Variants in DNAH1 observed in about 807,000 individuals in gnomAD.
DNAH1 encodes dynein axonemal heavy chain 1.
DNAH1 carries 327 observed loss-of-function variants against 484.3 expected under a neutral mutation model. That is an observed-to-expected ratio of 0.68 (90% CI 0.62 to 0.74). The LOEUF (loss-of-function observed/expected upper bound fraction) is 0.74. DNAH1 is among the 30% of genes least tolerant of loss of function. The pLI is 0.00. For synonymous variants in DNAH1, 2,192 were observed against 2,191.9 expected, an observed-to-expected ratio of 1.00 and a Z score of 0.00; for missense variants, 5,052 against 5,546.8, an observed-to-expected ratio of 0.91 and a Z score of 2.83.
chr3:52,359,875 C>T (rs375056083), intron 26 of DNAH1, 41 bp from the exon 27 acceptor site: 130 of 1,608,178 alleles, frequency 8.1e-5, no homozygotes, highest in Non-Finnish European at 9.8e-5. Flanking sequence ...TGAGCCTCCT[C>T]GTGGTACCCT....
In DNAH1 at chr3:52,343,613, A is replaced by G. The variant is rs1249278895; in HGVS notation, c.1287-877A>G. Among the ~76,000 whole-genome samples the G allele has an allele frequency of 2.0e-5, 3 of 152,130 alleles. No individual in the cohort carries two copies. In the East Asian group the frequency reaches 5.8e-4, roughly 29 times the overall value. ...CAGTCCCCTGCCTACGAAGTTCTCC[A>G]ACATCCCGCAGCTCTGGTGCAAGTG... On this transcript the variant is annotated intron_variant, in intron 8 of 77. Transcript: ENST00000420323.
intron 26 of DNAH1, 100 bp from the exon 27 acceptor site, chr3:52,359,816 A>G: frequency 2.0e-6 from 3 of 1,486,900 alleles, no homozygotes; most frequent in Non-Finnish European, 2.8e-6. Context: ...GACCCCCAGG[A>G]TAGAGGGACT....
chr3:52,398,092 T>G lies in DNAH1; in HGVS notation c.12019T>G (p.Trp4007Gly). 3 of 1,613,884 alleles carry G rather than the reference T, an allele frequency of 1.9e-6. No individual in the cohort carries two copies. The highest frequency in any genetic ancestry group is 8.5e-7 in the Non-Finnish European group (1 of 1,179,868). The change falls in exon 75 of 78, where the codon TGG becomes GGG. Residue 4007 changes from tryptophan (W) to glycine (G), a missense_variant. By Grantham distance (184) the Trp-to-Gly change is radical. Transcript: ENST00000420323. The part of the protein sequence containing the change: ...LKVPEPINLQ[W>G]VMAKYPVLYE... ...GGTGCCTGAGCCTATCAACTTGCAA[T>G]GGGTGATGGCCAAGTACCCAGTGCT...
At position 52,384,000 on chromosome 3, in the gene DNAH1, T is replaced by C. The variant is rs1703984566; in HGVS notation, c.8291T>C (p.Leu2764Pro). The C allele has an allele frequency of 4.3e-6, 7 of 1,609,550 alleles. No individual in the cohort carries two copies. The highest frequency in any genetic ancestry group is 1.3e-5 in the African/African-American group (1 of 74,834). Reference protein sequence around the residue: ...ATVFLNEIPELESSQEEIQGL... With the variant: ...ATVFLNEIPEPESSQEEIQGL... ...GTGTTCCTCAATGAGATCCCAGAAC[T>C]GGAATCCTCCCAGGAAGAAATCCAA... is the stretch of plus-strand genomic sequence containing the variant. Residue 2764 changes from leucine (L) to proline (P), a missense_variant, in exon 52 of 78, where the codon CTG becomes CCG. Around this residue, in one of 4 missense-constraint regions of DNAH1, gnomAD observed 2,929 missense variants for 3,409.4 expected, o/e 0.86. Coordinates refer to ENST00000420323, the MANE Select transcript of DNAH1 (RefSeq NM_015512.5).
In DNAH1 at chr3:52,331,255, CT is replaced by C. The variant is rs1701537990; in HGVS notation, c.980del (p.Leu327ArgfsTer11). 6.2e-7 allele frequency: 1 copy of C among 1,611,488 alleles called. No individual in the cohort carries two copies. The highest frequency in any genetic ancestry group is 8.5e-7 in the Non-Finnish European group (1 of 1,178,906). ...YLVHKTDEKGLVRDEMGRPIL... is the reference protein window; with the variant it reads ...YLVHKTDEKGXVRDEMGRPIL... ...GGTACACAAGACAGACGAGAAAGGC[CT>C]GGTGCGAGATGAGATGGGGAGGCCC... On this transcript the variant is annotated frameshift_variant, in exon 7 of 78. Transcript: ENST00000420323. LOFTEE classifies it high-confidence loss of function.
rs1704126954 is a variant in DNAH1, at chr3:52,386,704, A to G, written c.8854A>G (p.Ile2952Val). ...GCCACCCCCGGGTGTGAAACTGGTC[A>G]TAGAAGCTGTGTGCATTATGAAAGG... ...QRPPPGVKLV[I>V]EAVCIMKGIK... is the part of the protein sequence containing the mutation. Residue 2952 changes from isoleucine to valine, a missense_variant, in exon 56 of 78, where the codon ATA becomes GTA. Ile to Val is a conservative substitution (Grantham distance 29, BLOSUM62 3). Around this residue, in one of 4 missense-constraint regions of DNAH1, gnomAD observed 2,929 missense variants for 3,409.4 expected, o/e 0.86. Coordinates refer to ENST00000420323, the MANE Select transcript of DNAH1 (RefSeq NM_015512.5). 1.3e-6 allele frequency: 2 copies of G among 1,592,792 alleles called. No homozygotes were observed. Among genetic ancestry groups the G allele is most frequent in the Admixed American group, 1.8e-5 (1 of 56,946 alleles).
chr3:52,370,888 C>A (rs1703311074), intron 41 of DNAH1, 63 bp downstream of exon 41: 2 of 1,498,670 alleles, frequency 1.3e-6, no homozygotes, highest in Non-Finnish European at 1.8e-6. Context: ...GCTGTTCCCG[C>A]AATGAATTAT....
intron 6 of DNAH1, among the ~76,000 whole-genome samples, chr3:52,330,316 G>A (rs1701496115): frequency 6.6e-6 from 1 of 152,182 alleles, no homozygotes; most frequent in Non-Finnish European, 1.5e-5. Context: ...TGTGAACCAG[G>A]AGCTGATGCA....
chr3:52,394,851 C>T, intron 67 of DNAH1, 64 bp from the exon 68 acceptor site: 2 of 1,585,758 alleles, frequency 1.3e-6, no homozygotes, highest in Non-Finnish European at 1.7e-6. Context: ...CTGGCCGAAT[C>T]CCTGGGGCCA....
Position 52,392,631 on chromosome 3 carries a change from A to G in DNAH1, c.10220A>G (p.Asp3407Gly), listed in dbSNP as rs1704439110. The change falls in exon 64 of 78, where the codon GAT (aspartate) becomes GGT (glycine). Residue 3407 changes from aspartate to glycine, a missense_variant. Around this residue, in one of 4 missense-constraint regions of DNAH1, gnomAD observed 2,929 missense variants for 3,409.4 expected, o/e 0.86. Coordinates refer to ENST00000420323, the MANE Select transcript of DNAH1 (RefSeq NM_015512.5). The part of the protein sequence containing the change: ...RLSSSEGNPV[D>G]DMELIKVLEA... ...AGCTCCTCCGAGGGCAACCCTGTAG[A>G]TGACATGGAACTCATCAAGGTGCTG... is the stretch of plus-strand genomic sequence containing the variant. 3 of 1,612,912 alleles carry G rather than the reference A, an allele frequency of 1.9e-6. No individual in the cohort carries two copies. The highest frequency in any genetic ancestry group is 2.5e-6 in the Non-Finnish European group (3 of 1,179,454).
chr3:52,338,629 G>A (rs1701819604), intron 8 of DNAH1, among the ~76,000 whole-genome samples: 1 of 152,160 alleles, frequency 6.6e-6, no homozygotes, highest in African/African-American at 2.4e-5. Flanking sequence ...AAAACGTGAA[G>A]GACAGCTTGA....
At position 52,349,031 on chromosome 3, in the gene DNAH1, G is replaced by A; in HGVS notation, c.2250G>A (p.Glu750=). Residue 750 remains glutamate (E), a synonymous_variant, in exon 13 of 78, where the codon GAG becomes GAA. Coordinates refer to ENST00000420323, the MANE Select transcript of DNAH1 (RefSeq NM_015512.5). ...TCCCACTGCAGGCCTACGCCAAGGAGTACCGAAAGTACCTGGAGCTGAACA... is the reference window on the plus strand; with the variant it reads ...TCCCACTGCAGGCCTACGCCAAGGAATACCGAAAGTACCTGGAGCTGAACA... The part of the protein sequence containing the change: ...AMIPLQAYAK[E]YRKYLELNNN... The A allele has an allele frequency of 6.2e-7, 1 of 1,612,942 alleles. No homozygotes were observed. Among genetic ancestry groups the A allele is most frequent in the East Asian group, 2.2e-5 (1 of 44,876 alleles).
chr3:52,398,210 G>A (rs752019590), intron 75 of DNAH1, 48 bp downstream of exon 75: 1 of 1,557,690 alleles, frequency 6.4e-7, no homozygotes, highest in South Asian at 1.2e-5. Flanking sequence ...CCACTGGACT[G>A]TAGAGAAATG....
At chr3:52,389,632 G>A in intron 60 of DNAH1, 46 bp downstream of exon 60, 1 of 1,330,144 alleles carries the variant, frequency 7.5e-7, no homozygotes, top group Non-Finnish European at 9.7e-7. Flanking sequence ...CCTGTGGTGT[G>A]GTCCAGGCTG....
Position 52,388,916 on chromosome 3 carries a change from G to A in DNAH1, c.9474G>A (p.Val3158=), listed in dbSNP as rs760929175. 3.1e-6 allele frequency: 5 copies of A among 1,604,654 alleles called. No homozygotes were observed. The highest frequency in any genetic ancestry group is 4.3e-6 in the Non-Finnish European group (5 of 1,173,422). The change falls in exon 59 of 78, where the codon GTG becomes GTA. Residue 3158 remains valine, a synonymous_variant. Transcript: ENST00000420323. ...ATGTCCTGGTGGCCGCTGGCTTTGT[G>A]GCCTACCTGGGCCCCTTCACGGTAA... is the stretch of plus-strand genomic sequence containing the variant. ...SGDVLVAAGF[V]AYLGPFTGQY...
Position 52,328,005 on chromosome 3 carries a change from C to A in DNAH1, c.862C>A (p.Leu288Met), listed in dbSNP as rs750593025. ...AGCCCTCTTGCCCACTGATGACTTC[C>A]TGGGGCATGGTGAGCAAGGCCACTC... ...GKALLPTDDF[L>M]GHEDPKSQKL... The change falls in exon 6 of 78, where the codon CTG becomes ATG. Residue 288 changes from leucine to methionine, a missense_variant. By Grantham distance (15) the Leu-to-Met change is conservative (BLOSUM62 2). Around this residue, in one of 4 missense-constraint regions of DNAH1, gnomAD observed 1,263 missense variants for 1,218.8 expected, o/e 1.04. Coordinates refer to ENST00000420323, the MANE Select transcript of DNAH1 (RefSeq NM_015512.5). 4 of 1,613,782 alleles carry A rather than the reference C, an allele frequency of 2.5e-6. No individual in the cohort carries two copies. In the South Asian group the frequency reaches 4.4e-5, roughly 18 times the overall value.
chr3:52,339,938 C>T (rs917019365), intron 8 of DNAH1, among the ~76,000 whole-genome samples: 1 of 152,058 alleles, frequency 6.6e-6, no homozygotes, highest in Non-Finnish European at 1.5e-5. Flanking sequence ...CTCCAGTCTA[C>T]AAATGACCCC....
upstream of DNAH1, among the ~76,000 whole-genome samples, chr3:52,315,601 A>G (rs951148202): frequency 6.6e-6 from 1 of 151,952 alleles, no homozygotes; most frequent in African/African-American, 2.4e-5. Flanking sequence ...TGACTCCCCA[A>G]CTCTTGTAGA....
chr3:52,372,256 G>T lies in DNAH1; in HGVS notation c.6696G>T (p.Gly2232=). 6.2e-7 allele frequency: 1 copy of T among 1,613,868 alleles called. No individual in the cohort carries two copies. The highest frequency in any genetic ancestry group is 8.5e-7 in the Non-Finnish European group (1 of 1,179,832). ...PVLCIGPTGT[G]KTLTISDKLL... is the part of the protein sequence containing the mutation. ...TGTGCATTGGGCCAACAGGCACGGG[G>T]AAGACGCTCACCATCTCTGACAAGC... Residue 2232 remains glycine (G), a synonymous_variant, in exon 43 of 78, where the codon GGG becomes GGT. Transcript: ENST00000420323.
Sources: allele counts gnomAD v4.1 joint callset (sites outside exome capture counted in the v4.1 genomes callset), GRCh38; gene constraint gnomAD v4.1.1; regional missense constraint gnomAD v4.1.1; transcripts MANE v1.5; gene names NCBI Gene and HGNC (gene_info 2026-07-23, HGNC 2026-07-21).